Variants in IMPG2 observed in about 807,000 individuals in gnomAD.
IMPG2 encodes the protein IPM 200.
In IMPG2, 91 loss-of-function variants were observed where a neutral mutation model predicts 129.2. The observed-to-expected ratio is 0.70, with a 90% CI of 0.59 to 0.84. The LOEUF is 0.84. Among genes scored for constraint, IMPG2 ranks in the 40% least tolerant of loss-of-function variants. The pLI is 0.00. For missense variants in IMPG2, 1,430 were observed against 1,461.7 expected, an observed-to-expected ratio of 0.98 and a Z score of 0.35; for synonymous variants, 510 against 517.7, an observed-to-expected ratio of 0.99 and a Z score of 0.20.
chr3:101,240,230 ACCTCAGC>A lies in IMPG2; in HGVS notation c.3022+2451_3022+2457del, dbSNP rs143535968. On this transcript the variant is annotated intron_variant, in intron 14 of 18. Coordinates refer to ENST00000193391, the MANE Select transcript of IMPG2 (RefSeq NM_016247.4). ...CCTCCTAGACTCCAGCAATCTTCCC[ACCTCAGC>A]CTCCCAAGTAGCTGGAACTACAGGC... 8.0e-3 allele frequency among the ~76,000 whole-genome samples: 1,213 copies of A among 151,898 alleles called. 24 individuals are homozygous for A. Among genetic ancestry groups the A allele is most frequent in the African/African-American group, 0.028 (1,164 of 41,392 alleles).
At chr3:101,262,491 A>G (rs1311977007) in intron 9 of IMPG2, among the ~76,000 whole-genome samples, 5 of 152,044 alleles carry the variant, frequency 3.3e-5, no homozygotes, top group African/African-American at 9.7e-5. Flanking sequence ...ATTCCTGACA[A>G]TGCTGAATAA....
chr3:101,312,036 CA>C (rs1345360531), intron 2 of IMPG2, among the ~76,000 whole-genome samples: 1 of 149,986 alleles, frequency 6.7e-6, no homozygotes, highest in Non-Finnish European at 1.5e-5. Flanking sequence ...AAAAAAAAAT[CA>C]ACTCAAAATA....
chr3:101,318,674 A>G (rs1486150154), intron 2 of IMPG2, among the ~76,000 whole-genome samples: 4 of 152,164 alleles, frequency 2.6e-5, no homozygotes, highest in Non-Finnish European at 5.9e-5. Flanking sequence ...GAATAAATGC[A>G]TGAATTTAAA....
Position 101,226,921 on chromosome 3 carries a change from T to A in IMPG2, c.*48A>T, listed in dbSNP as rs1706230659. ...ATTATATGACATAAGTAACAAGTAA[T>A]CTCCATCTTCTCCAGGCTTCTAATC... On this transcript the variant is annotated 3_prime_UTR_variant, in exon 19 of 19. Transcript: ENST00000193391. 1.3e-6 allele frequency: 2 copies of A among 1,591,290 alleles called. No individual in the cohort carries two copies. Among genetic ancestry groups the A allele is most frequent in the African/African-American group, 2.7e-5 (2 of 74,376 alleles).
At chr3:101,254,183 T>A (rs991293307) in intron 10 of IMPG2, among the ~76,000 whole-genome samples, 2 of 152,086 alleles carry the variant, frequency 1.3e-5, no homozygotes, top group African/African-American at 4.8e-5. Flanking sequence ...CATGCAAAAA[T>A]AATTGCCTTT....
In IMPG2 at chr3:101,269,375, A is replaced by G. The variant is rs989518695; in HGVS notation, c.887+140T>C. On this transcript the variant is annotated intron_variant, in intron 8 of 18. Transcript: ENST00000193391. ...CTCACCTGAAAAACTAACATCAAGA[A>G]TACTAATTTACCAGAAATAGCATTG... 3 of 607,518 alleles carry G rather than the reference A, an allele frequency of 4.9e-6. No homozygotes were observed. The African/African-American group carries it at 5.6e-5, about 11-fold the overall frequency. The allele number at this position is 607,518 out of a possible 1,614,324, so 37.6% of individuals were successfully genotyped here.
chr3:101,254,157 A>G (rs1706573998), intron 10 of IMPG2, among the ~76,000 whole-genome samples: 1 of 152,132 alleles, frequency 6.6e-6, no homozygotes. Context: ...GGTTTATGCT[A>G]AGAATGGTAG....
intron 3 of IMPG2, among the ~76,000 whole-genome samples, chr3:101,297,927 G>A (rs943979754): frequency 6.6e-6 from 1 of 152,242 alleles, no homozygotes; most frequent in African/African-American, 2.4e-5. Context: ...ACTTGATCCT[G>A]AGCTGAGTTC....
At chr3:101,240,651 G>C (rs1307229493) in intron 14 of IMPG2, among the ~76,000 whole-genome samples, 2 of 152,132 alleles carry the variant, frequency 1.3e-5, no homozygotes, top group African/African-American at 2.4e-5. Flanking sequence ...TTGTAAAGCA[G>C]AAGAAGAAAT....
At chr3:101,297,207 C>T (rs993810729) in intron 3 of IMPG2, among the ~76,000 whole-genome samples, 3 of 152,180 alleles carry the variant, frequency 2.0e-5, no homozygotes, top group Admixed American at 6.5e-5. Context: ...CACGCCCGGC[C>T]GGCAGTTTTT....
rs576379823 is a variant in IMPG2 at position 101,319,849 on chromosome 3, T to C, written c.86-17A>G. Reference sequence around the variant, plus strand: ...AGGTTTGTGCTACAGAGTGAAAGTATAGTCAAGTCTTCGATAATGAAGATA... The same window carrying C: ...AGGTTTGTGCTACAGAGTGAAAGTACAGTCAAGTCTTCGATAATGAAGATA... On this transcript the variant is annotated splice_polypyrimidine_tract_variant and intron_variant, in intron 1 of 18. Coordinates refer to ENST00000193391, the MANE Select transcript of IMPG2 (RefSeq NM_016247.4). The C allele has an allele frequency of 2.5e-6, 4 of 1,608,016 alleles. No homozygotes were observed. In the East Asian group the frequency reaches 8.9e-5, roughly 36 times the overall value.
chr3:101,291,055 T>C (rs1031057020), intron 4 of IMPG2, among the ~76,000 whole-genome samples: 7 of 152,212 alleles, frequency 4.6e-5, no homozygotes, highest in African/African-American at 1.7e-4. Flanking sequence ...TAATAGGTTA[T>C]GCTATTCCTA....
intron 2 of IMPG2, among the ~76,000 whole-genome samples, chr3:101,314,112 A>G (rs501702): frequency 0.72 from 109,115 of 151,960 alleles, 40,346 homozygotes; most frequent in East Asian, 0.84. Context: ...GGGATCTACA[A>G]TGGCCCTAGA....
intron 7 of IMPG2, among the ~76,000 whole-genome samples, chr3:101,270,692 C>T (rs1035023951): frequency 1.3e-5 from 2 of 151,894 alleles, no homozygotes; most frequent in Non-Finnish European, 2.9e-5. Flanking sequence ...CCCAGCTAGG[C>T]GGGAGGCTGA....
intron 9 of IMPG2, among the ~76,000 whole-genome samples, chr3:101,259,610 C>T (rs754732253): frequency 9.3e-5 from 14 of 150,548 alleles, no homozygotes; most frequent in Admixed American, 4.0e-4. Context: ...GAAAGAAAAC[C>T]GCAGCACAAT....
intron 15 of IMPG2, among the ~76,000 whole-genome samples, chr3:101,232,233 TA>T (rs1706295684): frequency 2.0e-5 from 3 of 150,810 alleles, no homozygotes; most frequent in African/African-American, 7.3e-5. Context: ...ATTTTTTTTT[TA>T]TTTATTTTTT....
At chr3:101,253,831 A>G in intron 10 of IMPG2, 50 bp from the exon 11 acceptor site, 1 of 1,289,654 alleles carries the variant, frequency 7.8e-7, no homozygotes, top group Non-Finnish European at 1.1e-6. Flanking sequence ...GCCCTATTGT[A>G]TTTGAGGTGC....
chr3:101,302,663 T>C (rs1707150974), intron 3 of IMPG2, among the ~76,000 whole-genome samples: 1 of 152,212 alleles, frequency 6.6e-6, no homozygotes, highest in South Asian at 2.1e-4. Context: ...TAATAATTTA[T>C]TGATGAGCTT....
intron 18 of IMPG2, among the ~76,000 whole-genome samples, chr3:101,227,623 C>T (rs1706239075): frequency 6.6e-6 from 1 of 152,222 alleles, no homozygotes. Context: ...CGTGGGTCAT[C>T]TGCTGGCTGA....
Sources: allele counts gnomAD v4.1 joint callset (sites outside exome capture counted in the v4.1 genomes callset), GRCh38; gene constraint gnomAD v4.1.1; transcripts MANE v1.5; gene names NCBI Gene and HGNC (gene_info 2026-07-23, HGNC 2026-07-21).